MARCHF8: variants seen among roughly 807,000 people sequenced by gnomAD.
The protein encoded by MARCHF8 is E3 ubiquitin-protein ligase MARCHF8.
Under a neutral mutation model 51.6 loss-of-function variants are expected in MARCHF8, and 40 were observed. The ratio of observed to expected loss-of-function variants is 0.77; its 90% CI spans 0.60 to 1.01. The LOEUF is 1.01. Among genes scored for constraint, MARCHF8 ranks in the 50% least tolerant of loss-of-function variants. MARCHF8 has a pLI of 0.00. For synonymous variants in MARCHF8, 263 were observed against 280.3 expected (o/e 0.94, Z 0.62); for missense variants, 685 against 708.6 (o/e 0.97, Z 0.38).
intron 1 of MARCHF8, among the ~76,000 whole-genome samples, chr10:45,563,229 G>T (rs2044330039): frequency 6.6e-6 from 1 of 152,094 alleles, no homozygotes; most frequent in Admixed American, 6.6e-5. Flanking sequence ...GTCTCACTTT[G>T]TTGTCCAGGC....
intron 3 of MARCHF8, among the ~76,000 whole-genome samples, chr10:45,482,113 G>A (rs909021940): frequency 4.6e-5 from 7 of 152,084 alleles, no homozygotes; most frequent in South Asian, 2.1e-4. Context: ...AATCAAAGAG[G>A]TGAAAGGCGT....
intron 1 of MARCHF8, among the ~76,000 whole-genome samples, chr10:45,580,307 TA>T (rs918080569): frequency 2.6e-4 from 38 of 147,650 alleles, no homozygotes; most frequent in Middle Eastern, 3.5e-3. Context: ...TGATCTTAAG[TA>T]AAAAAAAAAA....
chr10:45,559,672 A>C lies in MARCHF8; in HGVS notation c.-78-26383T>G, dbSNP rs149114624. Among the ~76,000 whole-genome samples, 575 of 152,348 alleles carry C rather than the reference A, an allele frequency of 3.8e-3. 11 individuals are homozygous for C. In the East Asian group the frequency reaches 0.052, roughly 14 times the overall value. ...ATGAACATTAAATCTTTGAGATTAA[A>C]ACCTGTATAAATATAACTGGAAACC... On this transcript the variant is annotated intron_variant, in intron 1 of 6. Transcript: ENST00000319836.
At chr10:45,580,785 G>T (rs2044546420) in intron 1 of MARCHF8, among the ~76,000 whole-genome samples, 1 of 152,006 alleles carries the variant, frequency 6.6e-6, no homozygotes. Flanking sequence ...TTAGTATTGT[G>T]CGCTAGGACC....
chr10:45,504,953 T>G (rs1226984034), intron 2 of MARCHF8, among the ~76,000 whole-genome samples: 2 of 152,178 alleles, frequency 1.3e-5, no homozygotes, highest in Admixed American at 6.5e-5. Context: ...GGCCCTACAT[T>G]CTGCATTTCT....
chr10:45,492,362 A>G (rs2043098197), intron 2 of MARCHF8, among the ~76,000 whole-genome samples: 1 of 151,554 alleles, frequency 6.6e-6, no homozygotes, highest in Non-Finnish European at 1.5e-5. Context: ...CACTGGTGCA[A>G]TCTCGGCTCA....
chr10:45,584,006 C>CAAAAA (rs67624741), intron 1 of MARCHF8, among the ~76,000 whole-genome samples: 5 of 53,058 alleles, frequency 9.4e-5, no homozygotes, highest in Admixed American at 8.6e-4. Flanking sequence ...ACTTCATTTC[C>CAAAAA]AAAAAAAAAA....
intron 3 of MARCHF8, among the ~76,000 whole-genome samples, chr10:45,476,653 T>C (rs1464630500): frequency 2.0e-5 from 3 of 150,044 alleles, no homozygotes; most frequent in African/African-American, 4.9e-5. Context: ...TTTCCAAAAA[T>C]ACATTATAAA....
chr10:45,551,507 G>C (rs2044194253), intron 1 of MARCHF8, among the ~76,000 whole-genome samples: 1 of 152,034 alleles, frequency 6.6e-6, no homozygotes, highest in African/African-American at 2.4e-5. Flanking sequence ...AAGTATCTGG[G>C]ACTATAGGTG....
At chr10:45,583,470 C>T (rs1340855491) in intron 1 of MARCHF8, among the ~76,000 whole-genome samples, 1 of 152,144 alleles carries the variant, frequency 6.6e-6, no homozygotes, top group East Asian at 1.9e-4. Context: ...TAAATATCAA[C>T]TAACAGGGGA....
intron 3 of MARCHF8, among the ~76,000 whole-genome samples, chr10:45,470,350 A>C (rs529421872): frequency 1.3e-5 from 2 of 152,144 alleles, no homozygotes; most frequent in South Asian, 4.2e-4. Context: ...GGCTGACTCC[A>C]CCTGGGGCAG....
intron 1 of MARCHF8, among the ~76,000 whole-genome samples, chr10:45,586,699 T>C (rs2044621931): frequency 6.6e-6 from 1 of 152,128 alleles, no homozygotes. Context: ...ATAATTTCCT[T>C]TAATAAATAT....
intron 1 of MARCHF8, among the ~76,000 whole-genome samples, chr10:45,567,644 G>A (rs759879529): frequency 1.1e-4 from 17 of 151,990 alleles, no homozygotes; most frequent in Non-Finnish European, 2.4e-4. Flanking sequence ...TTGGTCTATG[G>A]ATCTGTTTTC....
chr10:45,594,413 G>A (rs1188835227), exon 1 of MARCHF8: 3 of 152,280 alleles, frequency 2.0e-5, no homozygotes, highest in African/African-American at 4.8e-5. Flanking sequence ...GAATTCACCT[G>A]GCACCCGGGG....
chr10:45,464,076 A>C (rs568033016), intron 4 of MARCHF8, 80 bp from the exon 5 acceptor site: 1 of 1,499,570 alleles, frequency 6.7e-7, no homozygotes, highest in East Asian at 2.4e-5. Flanking sequence ...TGAAGAAATG[A>C]GACTAGCATG....
At chr10:45,507,207 G>A (rs147949401) in intron 2 of MARCHF8, among the ~76,000 whole-genome samples, 3 of 152,242 alleles carry the variant, frequency 2.0e-5, no homozygotes, top group South Asian at 2.1e-4. Flanking sequence ...ACAACACTAC[G>A]TGTGAGGTAG....
At chr10:45,551,262 C>A (rs35036712) in intron 1 of MARCHF8, among the ~76,000 whole-genome samples, 9,372 of 152,218 alleles carry the variant, frequency 0.062, 328 homozygotes, top group Non-Finnish European at 0.066. Context: ...CCTCCCTGTG[C>A]ACATAACATT....
At chr10:45,511,414 G>C (rs370230735) in intron 2 of MARCHF8, among the ~76,000 whole-genome samples, 8 of 151,124 alleles carry the variant, frequency 5.3e-5, no homozygotes, top group African/African-American at 1.9e-4. Flanking sequence ...CACGGCCCAC[G>C]GTCTCCCTCT....
chr10:45,565,449 A>G (rs1158970541), intron 1 of MARCHF8, among the ~76,000 whole-genome samples: 1 of 152,116 alleles, frequency 6.6e-6, no homozygotes, highest in East Asian at 1.9e-4. Flanking sequence ...AAATAAATAT[A>G]AACATATATG....
Sources: allele counts gnomAD v4.1 joint callset (sites outside exome capture counted in the v4.1 genomes callset), GRCh38; gene constraint gnomAD v4.1.1; transcripts MANE v1.5; gene names NCBI Gene and HGNC (gene_info 2026-07-23, HGNC 2026-07-21).